WFDC5: variants seen among roughly 807,000 people sequenced by gnomAD.
WFDC5 encodes WAP four-disulfide core domain protein 5.
In WFDC5, 15 loss-of-function variants were observed where a neutral mutation model predicts 15.7. That is an observed-to-expected ratio of 0.96 (90% CI 0.64 to 1.47). WFDC5 has a LOEUF of 1.47. Among genes scored for constraint, WFDC5 ranks in the 40% most tolerant of loss-of-function variants. The pLI is 0.00. For synonymous variants in WFDC5, 109 were observed against 107.7 expected (o/e 1.01, Z -0.07); for missense variants, 280 against 258.0 (o/e 1.09, Z -0.59).
At chr20:45,110,425 C>A in exon 3 of WFDC5, 3 of 1,609,702 alleles carry the variant, frequency 1.9e-6, no homozygotes, top group Non-Finnish European at 2.5e-6. Flanking sequence ...GGCAATCCCG[C>A]CCGCAGGCGC....
chr20:45,115,950 T>C (rs965325454), upstream of WFDC5, among the ~76,000 whole-genome samples: 4 of 152,152 alleles, frequency 2.6e-5, no homozygotes, highest in African/African-American at 4.8e-5. Flanking sequence ...AGAAACTCCA[T>C]CGAAGTACAT....
chr20:45,110,620 A>T lies in WFDC5; in HGVS notation c.226+15T>A, dbSNP rs772177925. The T allele has an allele frequency of 6.2e-7, 1 of 1,613,874 alleles. No homozygotes were observed. Among genetic ancestry groups the T allele is most frequent in the Non-Finnish European group, 8.5e-7 (1 of 1,179,950 alleles). ...GGGGCTTGGATGGTCAGCAAGGTGG[A>T]GGGGAGGCATTTACCAGAGACCCTG... On this transcript the variant is annotated intron_variant, in intron 2 of 3. Transcript: ENST00000307971.
chr20:45,113,555 G>C lies in WFDC5; in HGVS notation c.85+1444C>G, dbSNP rs557043528. Among the ~76,000 whole-genome samples, 7 of 152,296 alleles carry C rather than the reference G, an allele frequency of 4.6e-5. No individual in the cohort carries two copies. In the South Asian group the frequency reaches 1.4e-3, roughly 32 times the overall value. ...CTTATGCTGTGCTTACTGTGTGCCAGGCCCTTATTCCTCGAGACACCATTT... is the reference window on the plus strand; with the variant it reads ...CTTATGCTGTGCTTACTGTGTGCCACGCCCTTATTCCTCGAGACACCATTT... On this transcript the variant is annotated intron_variant, in intron 1 of 3. Transcript: ENST00000307971.
chr20:45,113,161 ACT>A (rs1372118556), intron 1 of WFDC5, among the ~76,000 whole-genome samples: 2 of 152,234 alleles, frequency 1.3e-5, no homozygotes, highest in African/African-American at 4.8e-5. Flanking sequence ...TTTATCAGGG[ACT>A]ATGCCAGGCT....
exon 2 of WFDC5, chr20:45,110,663 G>A (rs770641581): frequency 6.2e-7 from 1 of 1,613,960 alleles, no homozygotes; most frequent in African/African-American, 1.3e-5. Context: ...ACTGGCGGAA[G>A]CAAGCTCTGT....
chr20:45,114,917 C>T (rs1981717830), intron 1 of WFDC5, 82 bp downstream of exon 1: 4 of 1,489,394 alleles, frequency 2.7e-6, no homozygotes, highest in Admixed American at 3.6e-5. Flanking sequence ...CAGGGCATTA[C>T]CTGCCTTCCC....
At chr20:45,114,887 A>G (rs560103556) in intron 1 of WFDC5, 112 bp downstream of exon 1, 3 of 1,081,542 alleles carry the variant, frequency 2.8e-6, no homozygotes, top group South Asian at 3.1e-5. Flanking sequence ...ACGCACACAC[A>G]CACGCGCACA....
chr20:45,109,944 TC>T lies in WFDC5; in HGVS notation c.462del (p.Arg155GlyfsTer47). On this transcript the variant is annotated frameshift_variant, in exon 4 of 4. Coordinates refer to ENST00000307971, the Ensembl canonical transcript of WFDC5. LOFTEE classifies it low-confidence loss of function (END_TRUNC). ...TGTCCAGCGGGCAGGGCCCCAGGCC[TC>T]CCATCGTGAACTCTTTCCGTTGGTC... is the stretch of plus-strand genomic sequence containing the variant. The T allele has an allele frequency of 6.2e-7, 1 of 1,612,320 alleles. No homozygotes were observed. The highest frequency in any genetic ancestry group is 8.5e-7 in the Non-Finnish European group (1 of 1,178,314).
exon 1 of WFDC5, chr20:45,115,121 T>C (rs779104954): frequency 1.3e-6 from 2 of 1,594,282 alleles, no homozygotes; most frequent in African/African-American, 1.3e-5. Context: ...GCCCCCCAGA[T>C]TAACACCTGC....
At chr20:45,110,037 T>A in intron 3 of WFDC5, 24 bp from the exon 4 acceptor site, 2 of 1,608,592 alleles carry the variant, frequency 1.2e-6, no homozygotes, top group Non-Finnish European at 1.7e-6. Context: ...AAGAAAGGGT[T>A]AATTCCTTCC....
rs1360134970 is a variant in WFDC5 at position 45,109,900 on chromosome 20, C to T, written c.507G>A (p.Arg169=). The stretch of plus-strand genomic sequence containing the variant: ...AGTGATTATCAGAAGGCTGGAACCA[C>T]CGCTGGTAGAGATAGTGCTGTCCAG... The change falls in exon 4 of 4, where the codon CGG becomes CGA. Residue 169 remains arginine, a synonymous_variant. Transcript: ENST00000307971. 2.7e-6 allele frequency: 4 copies of T among 1,488,168 alleles called. No homozygotes were observed. In the African/African-American group the frequency reaches 5.5e-5, roughly 21 times the overall value. 92.2% of individuals were successfully genotyped at this position (1,488,168 alleles called of 1,614,324 possible). A position where few individuals can be genotyped will look rare whatever the true frequency, so the allele number is the denominator to read the frequency against.
Position 45,109,773 on chromosome 20 carries a change from C to G in WFDC5, c.634G>C (p.Val212Leu), listed in dbSNP as rs1424627591. ...GCTCGTATGGCAGTGGTGCAGAGTACTGGGGTGATACAGAGGCCTTCCTCC... is the reference window on the plus strand; with the variant it reads ...GCTCGTATGGCAGTGGTGCAGAGTAGTGGGGTGATACAGAGGCCTTCCTCC... Residue 212 changes from valine (V) to leucine (L), a missense_variant, in exon 4 of 4, where the codon GTA (valine) becomes CTA (leucine). By Grantham distance (32) the Val-to-Leu change is conservative. Coordinates refer to ENST00000307971, the Ensembl canonical transcript of WFDC5. 6.9e-6 allele frequency: 5 copies of G among 721,642 alleles called. No individual in the cohort carries two copies. The Admixed American group carries it at 1.0e-4, about 14-fold the overall frequency. 44.7% of individuals were successfully genotyped at this position (721,642 alleles called of 1,614,324 possible).
At chr20:45,114,969 C>G (rs372440031) in intron 1 of WFDC5, 30 bp downstream of exon 1, 2 of 1,604,582 alleles carry the variant, frequency 1.2e-6, no homozygotes, top group African/African-American at 2.7e-5. Context: ...ACAATCTGGT[C>G]CCCCCAGCAG....
chr20:45,112,025 A>G (rs6130754), intron 1 of WFDC5, among the ~76,000 whole-genome samples: 8,798 of 152,234 alleles, frequency 0.058, 529 homozygotes, highest in East Asian at 0.3. Flanking sequence ...GGCTGCACAC[A>G]TAAGTAGGCA....
chr20:45,112,007 T>A (rs779600494), intron 1 of WFDC5, among the ~76,000 whole-genome samples: 8 of 152,330 alleles, frequency 5.3e-5, no homozygotes, highest in Admixed American at 2.0e-4. Context: ...GCCCCCTGCC[T>A]GGGTGCTGGC....
intron 1 of WFDC5, 131 bp downstream of exon 1, chr20:45,114,868 C>T: frequency 1.1e-6 from 1 of 871,776 alleles, no homozygotes; most frequent in Non-Finnish European, 1.8e-6. Context: ...CACATACACA[C>T]ACGCACGCAC....
intron 1 of WFDC5, 80 bp from the exon 2 acceptor site, chr20:45,110,855 T>A: frequency 6.4e-7 from 1 of 1,568,804 alleles, no homozygotes; most frequent in South Asian, 1.1e-5. Context: ...ATGACAAGAC[T>A]GAATTCTCCA....
At chr20:45,110,757 G>C in exon 2 of WFDC5, 2 of 1,614,106 alleles carry the variant, frequency 1.2e-6, no homozygotes, top group Non-Finnish European at 1.7e-6. Flanking sequence ...ATCATCTGGC[G>C]GGCAGCCCCC....
chr20:45,110,567 C>T, intron 2 of WFDC5, 27 bp from the exon 3 acceptor site: 1 of 1,614,048 alleles, frequency 6.2e-7, no homozygotes, highest in Non-Finnish European at 8.5e-7. Flanking sequence ...TGGGTGAGCT[C>T]CGTCCTTGCC....
Sources: allele counts gnomAD v4.1 joint callset (sites outside exome capture counted in the v4.1 genomes callset), GRCh38; gene constraint gnomAD v4.1.1; transcripts MANE v1.5; gene names NCBI Gene and HGNC (gene_info 2026-07-23, HGNC 2026-07-21).